ATRN: variants seen among roughly 807,000 people sequenced by gnomAD.
ATRN encodes the protein attractin.
A neutral mutation model predicts 178.7 loss-of-function variants in ATRN; 54 were observed. That is an observed-to-expected ratio of 0.30 (90% CI 0.24 to 0.38). ATRN has a LOEUF of 0.38. Ranked by LOEUF, ATRN falls within the 10% of genes least tolerant of loss-of-function variation. The probability of loss-of-function intolerance (pLI) is 1.00; values close to 1 mark genes in which losing one functional copy is unlikely to be tolerated. For synonymous variants in ATRN, 636 were observed against 663.0 expected (o/e 0.96, Z 0.63); for missense variants, 1,443 against 1,815.1 (o/e 0.79, Z 3.73).
chr20:3,527,681 T>A (rs1364897290), intron 1 of ATRN, among the ~76,000 whole-genome samples: 3 of 152,094 alleles, frequency 2.0e-5, no homozygotes, highest in African/African-American at 7.2e-5. Flanking sequence ...CAAATGCCCA[T>A]CGATGATAGA....
chr20:3,628,644 A>G (rs1048103845), intron 25 of ATRN, among the ~76,000 whole-genome samples: 1 of 152,076 alleles, frequency 6.6e-6, no homozygotes, highest in African/African-American at 2.4e-5. Flanking sequence ...AGGGTTCAGT[A>G]CTATCCATGG....
Position 3,594,889 on chromosome 20 carries a change from A to G in ATRN, c.3416+317A>G, listed in dbSNP as rs1051145571. On this transcript the variant is annotated intron_variant, in intron 20 of 28. Transcript: ENST00000262919. The stretch of plus-strand genomic sequence containing the variant: ...CAACTACTTGATTTTTGTCATGTCA[A>G]GAGATTATACTCTTTCCCAAAGAGT... 4.6e-5 allele frequency among the ~76,000 whole-genome samples: 7 copies of G among 152,156 alleles called. No homozygotes were observed. The South Asian group carries it at 8.3e-4, about 18-fold the overall frequency.
intron 18 of ATRN, among the ~76,000 whole-genome samples, chr20:3,588,800 C>T (rs181838149): frequency 6.6e-6 from 1 of 152,128 alleles, no homozygotes; most frequent in Admixed American, 6.5e-5. Context: ...CCAGTGAAAC[C>T]AAATGGGCCT....
chr20:3,581,105 C>T (rs898654979), intron 15 of ATRN, among the ~76,000 whole-genome samples: 14 of 151,760 alleles, frequency 9.2e-5, no homozygotes, highest in Admixed American at 7.9e-4. Flanking sequence ...AAGAATTAGC[C>T]GGGCATGATG....
intron 17 of ATRN, 43 bp downstream of exon 17, chr20:3,584,126 G>T: frequency 6.3e-7 from 1 of 1,575,970 alleles, no homozygotes; most frequent in Non-Finnish European, 8.7e-7. Context: ...CATGCCCTCT[G>T]TATAGGCAAC....
intron 6 of ATRN, among the ~76,000 whole-genome samples, chr20:3,556,076 A>C (rs1329431021): frequency 1.3e-5 from 2 of 152,222 alleles, no homozygotes; most frequent in Non-Finnish European, 1.5e-5. Flanking sequence ...TAGATACAGC[A>C]AAAATTAGAA....
At chr20:3,609,463 A>G (rs1459094076) in intron 24 of ATRN, among the ~76,000 whole-genome samples, 2 of 152,208 alleles carry the variant, frequency 1.3e-5, no homozygotes, top group Non-Finnish European at 2.9e-5. Context: ...GATTATATCA[A>G]CTGCAAATAG....
At chr20:3,639,655 A>T (rs538016171) in intron 27 of ATRN, among the ~76,000 whole-genome samples, 86 of 152,332 alleles carry the variant, frequency 5.6e-4, no homozygotes, top group Non-Finnish European at 7.9e-4. Flanking sequence ...CCCCAAAATG[A>T]TGAAGAAAAT....
At chr20:3,568,257 A>T (rs1293295000) in intron 11 of ATRN, among the ~76,000 whole-genome samples, 1 of 151,500 alleles carries the variant, frequency 6.6e-6, no homozygotes. Flanking sequence ...GCGCCACTGC[A>T]CTCCAGCCTG....
intron 1 of ATRN, among the ~76,000 whole-genome samples, chr20:3,480,600 A>T (rs996476217): frequency 6.6e-6 from 1 of 152,214 alleles, no homozygotes; most frequent in Non-Finnish European, 1.5e-5. Flanking sequence ...AATTCCTAAC[A>T]TACAGAGGGA....
At chr20:3,499,776 A>G (rs936681582) in intron 1 of ATRN, among the ~76,000 whole-genome samples, 2 of 151,098 alleles carry the variant, frequency 1.3e-5, no homozygotes, top group African/African-American at 4.9e-5. Context: ...AGGCATGGGC[A>G]AGGACTTCAT....
intron 1 of ATRN, among the ~76,000 whole-genome samples, chr20:3,475,430 A>G (rs2084511895): frequency 6.6e-6 from 1 of 152,210 alleles, no homozygotes; most frequent in Non-Finnish European, 1.5e-5. Context: ...TGTAGTTAGT[A>G]ACATTTTTTC....
intron 1 of ATRN, among the ~76,000 whole-genome samples, chr20:3,507,939 G>A (rs868296343): frequency 3.3e-5 from 5 of 151,974 alleles, no homozygotes; most frequent in Middle Eastern, 3.4e-3. Flanking sequence ...TCTTGACCTC[G>A]TGATCCACCC....
intron 2 of ATRN, among the ~76,000 whole-genome samples, 178 bp from the exon 3 acceptor site, chr20:3,540,044 T>C (rs185846108): frequency 6.6e-6 from 1 of 152,342 alleles, no homozygotes; most frequent in East Asian, 1.9e-4. Flanking sequence ...ATTGCATGTT[T>C]AGTAGTCTCT....
chr20:3,503,189 A>T (rs2084987650), intron 1 of ATRN, among the ~76,000 whole-genome samples: 1 of 152,222 alleles, frequency 6.6e-6, no homozygotes, highest in South Asian at 2.1e-4. Context: ...CTGCTATTGG[A>T]ACGATAGCCT....
At chr20:3,604,737 G>A (rs1207928011) in intron 24 of ATRN, among the ~76,000 whole-genome samples, 1 of 152,208 alleles carries the variant, frequency 6.6e-6, no homozygotes, top group African/African-American at 2.4e-5. Flanking sequence ...CAGCCTTCTA[G>A]TCAGACAGAG....
Position 3,632,704 on chromosome 20 carries a change from T to C in ATRN, c.3864-1607T>C, listed in dbSNP as rs1224043695. 6.6e-6 allele frequency among the ~76,000 whole-genome samples: 1 copy of C among 152,230 alleles called. No individual in the cohort carries two copies. Among genetic ancestry groups the C allele is most frequent in the African/African-American group, 2.4e-5 (1 of 41,462 alleles). ...TTTATTTCTGTAGCACTTACCTACCTTTTGGCATGCTCTGTAATTTGCTTA... is the reference window on the plus strand; with the variant it reads ...TTTATTTCTGTAGCACTTACCTACCCTTTGGCATGCTCTGTAATTTGCTTA... On this transcript the variant is annotated intron_variant, in intron 25 of 28. Coordinates refer to ENST00000262919, the MANE Select transcript of ATRN (RefSeq NM_139321.3). The surrounding 1 kb of genome is among the most constrained non-coding windows in gnomAD (Gnocchi z 4.2).
chr20:3,626,657 C>G (rs1190234603), intron 25 of ATRN, among the ~76,000 whole-genome samples: 1 of 152,200 alleles, frequency 6.6e-6, no homozygotes, highest in East Asian at 1.9e-4. Flanking sequence ...TACCAATACT[C>G]TAGAAGTTCC....
rs1271624910 is a variant in ATRN at position 3,638,113 on chromosome 20, T to G, written c.3943-715T>G. Among the ~76,000 whole-genome samples the G allele has an allele frequency of 6.6e-6, 1 of 152,222 alleles. No individual in the cohort carries two copies. The highest frequency in any genetic ancestry group is 1.5e-5 in the Non-Finnish European group (1 of 68,036). ...CATTAAATCCACAGTACTTTTATTT[T>G]TATCTTTATTTTCTTATTTTACTTT... On this transcript the variant is annotated intron_variant, in intron 26 of 28. Transcript: ENST00000262919. This position sits in a 1 kb window ranked among gnomAD's most constrained non-coding sequence, Gnocchi z 4.5.
Sources: gnomAD v4.1 joint callset for allele counts (sites outside exome capture counted in the v4.1 genomes callset) on GRCh38, gnomAD v4.1.1 for gene constraint, Gnocchi (gnomAD v3.1) non-coding constraint, MANE v1.5 for transcripts, NCBI Gene and HGNC (gene_info 2026-07-23, HGNC 2026-07-21) for gene names.